STARD13: variants seen among roughly 807,000 people sequenced by gnomAD.
STARD13 encodes the protein stAR-related lipid transfer protein 13.
STARD13 carries 62 observed loss-of-function variants against 106.4 expected under a neutral mutation model. That is an observed-to-expected ratio of 0.58 (90% CI 0.48 to 0.72). STARD13 has a LOEUF of 0.72. Among genes scored for constraint, STARD13 ranks in the 30% least tolerant of loss-of-function variants. The probability of loss-of-function intolerance (pLI) is 0.00; values close to 1 mark genes in which losing one functional copy is unlikely to be tolerated. For missense variants in STARD13, 1,387 were observed against 1,424.0 expected, an observed-to-expected ratio of 0.97 and a Z score of 0.42; for synonymous variants, 565 against 553.0, an observed-to-expected ratio of 1.02 and a Z score of -0.31.
the STARD13 span, among the ~76,000 whole-genome samples, chr13:33,575,907 T>A: frequency 6.6e-6 from 1 of 152,046 alleles, no homozygotes; most frequent in Non-Finnish European, 1.5e-5. Flanking sequence ...CCTCTCCCTC[T>A]ATGCCAGACA....
the STARD13 span, among the ~76,000 whole-genome samples, chr13:33,598,572 G>A: frequency 0.048 from 7,298 of 152,228 alleles, 312 homozygotes; most frequent in East Asian, 0.24. Context: ...AAAAGTTTTA[G>A]CATTTTCATA....
At chr13:33,535,255 T>C in the STARD13 span, among the ~76,000 whole-genome samples, 3 of 152,060 alleles carry the variant, frequency 2.0e-5, no homozygotes, top group South Asian at 2.1e-4. Flanking sequence ...GTTTTCTTCA[T>C]TACATAAATC....
At chr13:33,448,482 G>T in the STARD13 span, among the ~76,000 whole-genome samples, 14 of 152,016 alleles carry the variant, frequency 9.2e-5, no homozygotes, top group African/African-American at 3.1e-4. Flanking sequence ...TATATATACT[G>T]TATTTTTAAG....
At chr13:33,582,768 A>G in the STARD13 span, among the ~76,000 whole-genome samples, 9 of 152,258 alleles carry the variant, frequency 5.9e-5, no homozygotes, top group African/African-American at 2.2e-4. Context: ...ATGGGTCATC[A>G]ACCTAACCAC....
intron 1 of STARD13, among the ~76,000 whole-genome samples, chr13:33,216,045 TA>T (rs544684024): frequency 2.0e-5 from 3 of 151,738 alleles, no homozygotes; most frequent in Non-Finnish European, 1.5e-5. Context: ...ATGGCCATAA[TA>T]AAAAAAATAA....
At chr13:33,405,595 G>T in the STARD13 span, among the ~76,000 whole-genome samples, 1 of 152,238 alleles carries the variant, frequency 6.6e-6, no homozygotes, top group African/African-American at 2.4e-5. Flanking sequence ...ACTGACTCAG[G>T]TCTAACTCAA....
chr13:33,541,215 A>T, the STARD13 span, among the ~76,000 whole-genome samples: 1 of 152,232 alleles, frequency 6.6e-6, no homozygotes, highest in Non-Finnish European at 1.5e-5. Context: ...GCCAAAGCTG[A>T]AGTATGCAAT....
intron 1 of STARD13, among the ~76,000 whole-genome samples, chr13:33,211,226 GAT>G: frequency 6.7e-6 from 1 of 150,140 alleles, no homozygotes; most frequent in Admixed American, 6.6e-5. Context: ...AAACATGAAA[GAT>G]ATTAAAATAA....
rs369869362 is a variant in STARD13 at position 33,110,129 on chromosome 13, G to A, written c.2830-39C>T. 8.3e-5 allele frequency: 132 copies of A among 1,586,778 alleles called. No homozygotes were observed. The African/African-American group carries it at 1.6e-3, about 20-fold the overall frequency. ...ACGTCAGAAGCTGAAGAGGTTGTCT[G>A]GGATATGGGTCCAACATTTTTTGTT... On this transcript the variant is annotated intron_variant, in intron 11 of 13. Transcript: ENST00000336934.
At chr13:33,364,888 CA>C in the STARD13 span, among the ~76,000 whole-genome samples, 26 of 149,966 alleles carry the variant, frequency 1.7e-4, no homozygotes, top group Non-Finnish European at 3.0e-4. Context: ...GACTCCGTCT[CA>C]AAAAAAAAGA....
the STARD13 span, among the ~76,000 whole-genome samples, chr13:33,517,337 G>A: frequency 6.6e-5 from 10 of 152,122 alleles, no homozygotes; most frequent in Non-Finnish European, 1.2e-4. Context: ...TTTGCTGGAG[G>A]ATAGATGTAA....
intron 1 of STARD13, among the ~76,000 whole-genome samples, chr13:33,200,204 C>T (rs2138088325): frequency 6.6e-6 from 1 of 152,360 alleles, no homozygotes; most frequent in East Asian, 1.9e-4. Context: ...CCCTGCCATC[C>T]CCTAAGGGTT....
At chr13:33,249,829 A>G (rs1449411059) in intron 1 of STARD13, among the ~76,000 whole-genome samples, 15 of 152,080 alleles carry the variant, frequency 9.9e-5, no homozygotes, top group Non-Finnish European at 2.2e-4. Flanking sequence ...TTACTGTGTC[A>G]CCCAGGCCAG....
intron 1 of STARD13, among the ~76,000 whole-genome samples, chr13:33,334,237 T>A (rs1050091718): frequency 6.6e-6 from 1 of 152,226 alleles, no homozygotes; most frequent in African/African-American, 2.4e-5. Flanking sequence ...TATTTTACTA[T>A]GTGGATTATA....
chr13:33,387,722 C>T, the STARD13 span, among the ~76,000 whole-genome samples: 3 of 152,206 alleles, frequency 2.0e-5, no homozygotes, highest in East Asian at 1.9e-4. Context: ...GTTAGTATAA[C>T]ATTTTCACTT....
At chr13:33,301,801 C>T (rs1026902947) in intron 1 of STARD13, among the ~76,000 whole-genome samples, 4 of 152,070 alleles carry the variant, frequency 2.6e-5, no homozygotes, top group Admixed American at 2.0e-4. Flanking sequence ...ATCTCCTAAC[C>T]TCGTGATCCA....
chr13:33,305,390 T>C (rs1892868014), intron 1 of STARD13, among the ~76,000 whole-genome samples: 1 of 152,348 alleles, frequency 6.6e-6, no homozygotes. Context: ...CTCATATCTT[T>C]TACATCTCCG....
the STARD13 span, among the ~76,000 whole-genome samples, chr13:33,664,852 C>A: frequency 6.6e-6 from 1 of 152,122 alleles, no homozygotes; most frequent in Non-Finnish European, 1.5e-5. Flanking sequence ...GGTCTCGATC[C>A]CCTGACCTCA....
chr13:33,285,344 G>A (rs1003252973), intron 1 of STARD13, 126 bp downstream of exon 1: 25 of 1,014,810 alleles, frequency 2.5e-5, no homozygotes, highest in Non-Finnish European at 3.5e-5. Flanking sequence ...CAAAGTTACG[G>A]GTAGTGTGGC....
Sources: allele counts gnomAD v4.1 joint callset (sites outside exome capture counted in the v4.1 genomes callset), GRCh38; gene constraint gnomAD v4.1.1; transcripts MANE v1.5; gene names NCBI Gene and HGNC (gene_info 2026-07-23, HGNC 2026-07-21).